MORC1: variants seen among roughly 807,000 people sequenced by gnomAD.
MORC1 encodes MORC family CW-type zinc finger 1.
In MORC1, 59 loss-of-function variants were observed where a neutral mutation model predicts 134.9. That is an observed-to-expected ratio of 0.44 (90% CI 0.35 to 0.54). The LOEUF (loss-of-function observed/expected upper bound fraction) is 0.54, where lower values mean the gene tolerates loss of function less well. MORC1 is among the 20% of genes least tolerant of loss of function. MORC1 has a pLI of 0.00. For missense variants in MORC1, 947 were observed against 1,134.5 expected (o/e 0.83, Z 2.37); for synonymous variants, 395 against 391.7 (o/e 1.01, Z -0.10).
intron 12 of MORC1, 133 bp downstream of exon 12, chr3:109,059,673 G>T: frequency 1.6e-6 from 1 of 624,550 alleles, no homozygotes; most frequent in Non-Finnish European, 2.7e-6. Flanking sequence ...GACTATATTA[G>T]GTTTCAGATT....
intron 9 of MORC1, among the ~76,000 whole-genome samples, chr3:109,064,395 C>T (rs546616319): frequency 1.3e-5 from 2 of 152,076 alleles, no homozygotes; most frequent in African/African-American, 4.8e-5. Flanking sequence ...TATGAAGAAA[C>T]ACTAAGTACC....
At chr3:109,081,616 A>G (rs12485904) in intron 8 of MORC1, among the ~76,000 whole-genome samples, 129,074 of 152,002 alleles carry the variant, frequency 0.85, 54,952 homozygotes, top group East Asian at 0.93. Context: ...CACCACACCC[A>G]GCTAAGTTTT....
At chr3:109,052,556 A>T (rs953372236) in intron 14 of MORC1, among the ~76,000 whole-genome samples, 1 of 151,968 alleles carries the variant, frequency 6.6e-6, no homozygotes, top group African/African-American at 2.4e-5. Flanking sequence ...CCTCAACCTC[A>T]TTTCCCCTTT....
intron 17 of MORC1, among the ~76,000 whole-genome samples, chr3:109,015,104 G>A (rs567162464): frequency 3.3e-5 from 5 of 152,112 alleles, no homozygotes; most frequent in East Asian, 1.9e-4. Context: ...GCCAGGTTTC[G>A]AACTCCTGAC....
At position 108,963,564 on chromosome 3, in the gene MORC1, C is replaced by T; in HGVS notation, c.2649G>A (p.Arg883=). 1.3e-6 allele frequency: 2 copies of T among 1,591,082 alleles called. No homozygotes were observed. The highest frequency in any genetic ancestry group is 1.7e-6 in the Non-Finnish European group (2 of 1,170,246). Residue 883 remains arginine, a synonymous_variant, in exon 27 of 28, where the codon AGG becomes AGA. Transcript: ENST00000232603. Reference sequence around the variant, plus strand: ...AATCATAGATAATGGACTGCAATTTCCTCTTTATTTTTTTTTCATATTGGA... The same window carrying T: ...AATCATAGATAATGGACTGCAATTTTCTCTTTATTTTTTTTTCATATTGGA... ...YMVQYEKKIK[R]KLQSIIYDSN...
At chr3:109,089,459 C>T (rs1487734247) in intron 8 of MORC1, among the ~76,000 whole-genome samples, 1 of 152,100 alleles carries the variant, frequency 6.6e-6, no homozygotes, top group African/African-American at 2.4e-5. Context: ...AAACTCTCCA[C>T]TAGCCTGTTA....
intron 11 of MORC1, 32 bp downstream of exon 11, chr3:109,061,956 T>C: frequency 1.3e-6 from 2 of 1,599,720 alleles, no homozygotes; most frequent in South Asian, 2.2e-5. Context: ...CAATTTGCCA[T>C]TTAATAAGAC....
chr3:108,996,453 T>C (rs1000710474), intron 21 of MORC1, among the ~76,000 whole-genome samples: 2 of 152,132 alleles, frequency 1.3e-5, no homozygotes, highest in African/African-American at 4.8e-5. Context: ...CAGAGTCCCA[T>C]ACCAAATATC....
rs764404205 is a variant in MORC1 at position 108,963,419 on chromosome 3, G to C, written c.2794C>G (p.Gln932Glu). The change falls in exon 27 of 28, where the codon CAA becomes GAA. Residue 932 changes from glutamine (Q) to glutamate (E), a missense_variant. Transcript: ENST00000232603. ...AATACAACTTTTTCACTCACCAGTT[G>C]GAGTTTCTGCAACAATAGTGCCAGT... ...IKLALLLQKL[Q>E]LGGPEGDLEQ... 1 of 1,609,490 alleles carries C rather than the reference G, an allele frequency of 6.2e-7. No homozygotes were observed. Among genetic ancestry groups the C allele is most frequent in the Non-Finnish European group, 8.5e-7 (1 of 1,178,872 alleles).
At chr3:109,082,242 G>T (rs562014196) in intron 8 of MORC1, among the ~76,000 whole-genome samples, 2 of 146,214 alleles carry the variant, frequency 1.4e-5, no homozygotes, top group African/African-American at 5.0e-5. Flanking sequence ...CAACCTAGGA[G>T]AAAAATTTAA....
Position 108,958,308 on chromosome 3 carries a change from A to C in MORC1, c.*657T>G, listed in dbSNP as rs1946987655. 6.6e-6 allele frequency: 1 copy of C among 152,082 alleles called. No homozygotes were observed. The highest frequency in any genetic ancestry group is 1.5e-5 in the Non-Finnish European group (1 of 67,952). The allele number at this position is 152,082 out of a possible 1,614,324, so 9.4% of individuals were successfully genotyped here. On this transcript the variant is annotated 3_prime_UTR_variant, in exon 28 of 28. Transcript: ENST00000232603. ...TTCAGACATTTCTAAACAAAAAAAA[A>C]ACACTTATCAAGAAAAGTGTAAAAA...
At chr3:109,110,856 GATAT>G in intron 2 of MORC1, 73 bp from the exon 3 acceptor site, 2 of 1,133,200 alleles carry the variant, frequency 1.8e-6, no homozygotes, top group Non-Finnish European at 2.5e-6. Flanking sequence ...CCTATTGTCA[GATAT>G]CAAACAATAC....
intron 1 of MORC1, among the ~76,000 whole-genome samples, chr3:109,115,998 T>C (rs544514724): frequency 6.8e-4 from 103 of 152,124 alleles, no homozygotes; most frequent in Non-Finnish European, 1.2e-3. Flanking sequence ...AGAAACTTTT[T>C]ACCAAGAGCA....
At chr3:108,994,653 GATGAAAAAAAGGC>G (rs531558519) in intron 21 of MORC1, among the ~76,000 whole-genome samples, 1 of 151,948 alleles carries the variant, frequency 6.6e-6, no homozygotes, top group Non-Finnish European at 1.5e-5. Context: ...GTTCCTCCAA[GATGAAAAAAAGGC>G]ATGTACATGC....
chr3:108,979,993 A>G (rs1947669037), intron 23 of MORC1, among the ~76,000 whole-genome samples: 1 of 152,184 alleles, frequency 6.6e-6, no homozygotes, highest in Non-Finnish European at 1.5e-5. Flanking sequence ...ACAACTATAC[A>G]ATATTTTTTG....
chr3:108,988,698 T>C (rs897856739), intron 21 of MORC1, among the ~76,000 whole-genome samples: 1 of 152,196 alleles, frequency 6.6e-6, no homozygotes, highest in South Asian at 2.1e-4. Context: ...TATAACAAAA[T>C]GTGTTAATTT....
At chr3:108,976,224 G>A (rs1175256754) in intron 24 of MORC1, among the ~76,000 whole-genome samples, 2 of 152,154 alleles carry the variant, frequency 1.3e-5, no homozygotes, top group Non-Finnish European at 2.9e-5. Flanking sequence ...CCTTGGCATT[G>A]TGGAAATTGA....
chr3:108,997,364 T>A (rs1030037850), intron 21 of MORC1, among the ~76,000 whole-genome samples: 6 of 152,090 alleles, frequency 3.9e-5, no homozygotes, highest in Non-Finnish European at 5.9e-5. Flanking sequence ...AAACCCTGTC[T>A]CTATTAAAAA....
intron 18 of MORC1, 111 bp from the exon 19 acceptor site, chr3:109,005,426 A>T: frequency 9.5e-7 from 1 of 1,052,322 alleles, no homozygotes; most frequent in South Asian, 2.3e-5. Flanking sequence ...ACTACTAAAA[A>T]GTTTTTAAAT....
Sources: gnomAD v4.1 joint callset for allele counts (sites outside exome capture counted in the v4.1 genomes callset) on GRCh38, gnomAD v4.1.1 for gene constraint, MANE v1.5 for transcripts, NCBI Gene and HGNC (gene_info 2026-07-23, HGNC 2026-07-21) for gene names.